Variants in HDAC9 observed in about 807,000 individuals in gnomAD.
HDAC9 encodes the protein histone deacetylase 9.
HDAC9 carries 41 observed loss-of-function variants against 139.4 expected under a neutral mutation model. The observed-to-expected ratio is 0.29, with a 90% CI of 0.23 to 0.38. The LOEUF (loss-of-function observed/expected upper bound fraction) is 0.38. Among genes scored for constraint, HDAC9 ranks in the 10% least tolerant of loss-of-function variants. The pLI is 1.00. For missense variants in HDAC9, 1,147 were observed against 1,297.0 expected (o/e 0.88, Z 1.78); for synonymous variants, 517 against 476.2 (o/e 1.09, Z -1.12).
At chr7:18,439,825 G>C (rs1791578760) in intron 1 of HDAC9, among the ~76,000 whole-genome samples, 1 of 151,980 alleles carries the variant, frequency 6.6e-6, no homozygotes, top group African/African-American at 2.4e-5. Flanking sequence ...CTCTCTCTCT[G>C]AATGTACATA....
chr7:18,780,179 C>T (rs1791126193), intron 16 of HDAC9, among the ~76,000 whole-genome samples: 1 of 152,022 alleles, frequency 6.6e-6, no homozygotes, highest in Non-Finnish European at 1.5e-5. Flanking sequence ...ACTCACAAAT[C>T]ATTGAAATGA....
chr7:18,556,378 G>A (rs1203693206), intron 2 of HDAC9, among the ~76,000 whole-genome samples: 1 of 151,936 alleles, frequency 6.6e-6, no homozygotes, highest in Non-Finnish European at 1.5e-5. Flanking sequence ...ATTGAGCAAG[G>A]GCTTGGGTGC....
intron 2 of HDAC9, among the ~76,000 whole-genome samples, chr7:18,272,476 C>G (rs1475870023): frequency 6.6e-6 from 1 of 151,880 alleles, no homozygotes; most frequent in Non-Finnish European, 1.5e-5. Flanking sequence ...ATAAGGACCA[C>G]TAAATTTAAA....
At chr7:18,843,799 A>G (rs1796738158) in intron 21 of HDAC9, among the ~76,000 whole-genome samples, 1 of 152,180 alleles carries the variant, frequency 6.6e-6, no homozygotes, top group African/African-American at 2.4e-5. Flanking sequence ...CTGTAAATAT[A>G]AATTTGTAGT....
intron 1 of HDAC9, among the ~76,000 whole-genome samples, chr7:18,092,414 A>ATTTTTT (rs1562609736): frequency 6.8e-6 from 1 of 147,756 alleles, no homozygotes; most frequent in Non-Finnish European, 1.5e-5. Context: ...TTTTTTTTTA[A>ATTTTTT]AAAAAAGAAC....
In HDAC9 at chr7:18,568,485, T is replaced by G. The variant is rs1213394295; in HGVS notation, c.23-16796T>G. On this transcript the variant is annotated intron_variant, in intron 2 of 25. Coordinates refer to ENST00000686413, the MANE Select transcript of HDAC9 (RefSeq NM_178425.4). ...AGCGCTCAGCATATGTTGCTCATTT[T>G]AAAGTGCCATCATTCTTATTTATAT... 4.6e-5 allele frequency among the ~76,000 whole-genome samples: 7 copies of G among 152,230 alleles called. 1 individual carries two copies. The highest frequency in any genetic ancestry group is 4.6e-4 in the Admixed American group (7 of 15,282).
intron 2 of HDAC9, among the ~76,000 whole-genome samples, chr7:18,569,842 A>G (rs1050470382): frequency 6.6e-6 from 1 of 152,156 alleles, no homozygotes; most frequent in Admixed American, 6.5e-5. Context: ...GTCTTTTATA[A>G]TGCACAGGGA....
At chr7:18,162,829 A>G (rs1445049506) in intron 2 of HDAC9, among the ~76,000 whole-genome samples, 1 of 152,098 alleles carries the variant, frequency 6.6e-6, no homozygotes, top group African/African-American at 2.4e-5. Flanking sequence ...TCCTATATAC[A>G]TATTTAATTA....
At position 18,762,233 on chromosome 7, in the gene HDAC9, C is replaced by G. The variant is rs914541623; in HGVS notation, c.2120C>G (p.Thr707Ser). 2 of 1,613,508 alleles carry G rather than the reference C, an allele frequency of 1.2e-6. No homozygotes were observed. Among genetic ancestry groups the G allele is most frequent in the African/African-American group, 2.7e-5 (2 of 74,878 alleles). ...HSEHHSLLYG[T>S]NPLDGQKLDP... ...GAACATCACTCACTGTTGTATGGCACCAACCCCCTGGACGGACAGAAGCTG... is the reference window on the plus strand; with the variant it reads ...GAACATCACTCACTGTTGTATGGCAGCAACCCCCTGGACGGACAGAAGCTG... The change falls in exon 15 of 26, where the codon ACC becomes AGC. Residue 707 changes from threonine to serine, a missense_variant. Physicochemically the swap from Thr to Ser is moderately conservative, Grantham distance 58 (BLOSUM62 1). Around this residue, in one of 7 missense-constraint regions of HDAC9, gnomAD observed 407 missense variants for 521.5 expected, o/e 0.78. Transcript: ENST00000686413.
chr7:18,701,546 C>T lies in HDAC9; in HGVS notation c.1732-26034C>T, dbSNP rs534913657. On this transcript the variant is annotated intron_variant, in intron 12 of 25. Coordinates refer to ENST00000686413, the MANE Select transcript of HDAC9 (RefSeq NM_178425.4). ...AGATGAGTTATTTTTTGTTAATGTC[C>T]GTTAGATATATACTACACACCCATA... Among the ~76,000 whole-genome samples the T allele has an allele frequency of 8.6e-5, 13 of 152,046 alleles. 1 individual carries two copies. Among genetic ancestry groups the T allele is most frequent in the African/African-American group, 2.9e-4 (12 of 41,480 alleles).
chr7:18,962,539 A>AT (rs764182444), intron 24 of HDAC9, among the ~76,000 whole-genome samples: 11 of 151,434 alleles, frequency 7.3e-5, no homozygotes, highest in Non-Finnish European at 1.0e-4. Flanking sequence ...TGCGTCTGCA[A>AT]TTTTTTTTTC....
At chr7:18,676,201 T>A (rs1438455950) in intron 12 of HDAC9, among the ~76,000 whole-genome samples, 1 of 152,054 alleles carries the variant, frequency 6.6e-6, no homozygotes, top group Non-Finnish European at 1.5e-5. Context: ...ACTCTGCCTT[T>A]CTTTCTTATT....
chr7:18,120,150 C>T (rs1784273128), intron 1 of HDAC9, among the ~76,000 whole-genome samples: 1 of 152,068 alleles, frequency 6.6e-6, no homozygotes, highest in African/African-American at 2.4e-5. Flanking sequence ...TCCCTTGGGA[C>T]ATTTGGCAAT....
chr7:18,207,641 C>T (rs1485902149), intron 2 of HDAC9, among the ~76,000 whole-genome samples: 13 of 144,626 alleles, frequency 9.0e-5, no homozygotes, highest in Non-Finnish European at 1.3e-4. Flanking sequence ...TTGCCACACA[C>T]GTGTGCATGC....
At position 18,576,922 on chromosome 7, in the gene HDAC9, A is replaced by G. The variant is rs1490190907; in HGVS notation, c.23-8359A>G. ...GAGGAAGCAAAGCCCTAGGAATGGA[A>G]GGGATCTGCAGTGAGAGAGAAAAAG... On this transcript the variant is annotated intron_variant, in intron 2 of 25. Coordinates refer to ENST00000686413, the MANE Select transcript of HDAC9 (RefSeq NM_178425.4). Among the ~76,000 whole-genome samples, 5 of 152,298 alleles carry G rather than the reference A, an allele frequency of 3.3e-5. No individual in the cohort carries two copies. In the East Asian group the frequency reaches 9.7e-4, roughly 29 times the overall value.
chr7:18,744,791 G>A (rs987274617), intron 13 of HDAC9, among the ~76,000 whole-genome samples: 18 of 152,106 alleles, frequency 1.2e-4, no homozygotes, highest in Non-Finnish European at 2.2e-4. Flanking sequence ...GAGAGAAAGA[G>A]AAAGCACAAA....
At chr7:18,786,848 C>G (rs538834061) in intron 16 of HDAC9, among the ~76,000 whole-genome samples, 2 of 125,796 alleles carry the variant, frequency 1.6e-5, no homozygotes, top group Non-Finnish European at 3.3e-5. Flanking sequence ...TCCTTCCTTC[C>G]TTCCTTCTCT....
chr7:18,841,954 T>C (rs1210135921), intron 21 of HDAC9, among the ~76,000 whole-genome samples: 1 of 152,154 alleles, frequency 6.6e-6, no homozygotes, highest in African/African-American at 2.4e-5. Flanking sequence ...TATGTATGCA[T>C]TTAGATTTTG....
intron 25 of HDAC9, among the ~76,000 whole-genome samples, chr7:18,978,403 G>A (rs78694457): frequency 0.036 from 5,508 of 152,118 alleles, 124 homozygotes; most frequent in South Asian, 0.063. Flanking sequence ...ATGGGGGAGG[G>A]GATGACAACA....
Sources: gnomAD v4.1 joint callset for allele counts (sites outside exome capture counted in the v4.1 genomes callset) on GRCh38, gnomAD v4.1.1 for gene constraint, gnomAD v4.1.1 regional missense constraint, MANE v1.5 for transcripts, NCBI Gene and HGNC (gene_info 2026-07-23, HGNC 2026-07-21) for gene names.